The following ZZZ3 variants were observed in gnomAD, a reference collection of about 807,000 sequenced individuals.
ZZZ3 encodes the protein zinc finger ZZ-type containing 3, also known as ZZ-type zinc finger-containing protein 3.
In ZZZ3, 22 loss-of-function variants were observed where a neutral mutation model predicts 95.2. The ratio of observed to expected loss-of-function variants is 0.23; its 90% CI spans 0.17 to 0.33. The LOEUF is 0.33. Among genes scored for constraint, ZZZ3 ranks in the 10% least tolerant of loss-of-function variants. ZZZ3 has a pLI of 1.00. For missense variants in ZZZ3, 885 were observed against 1,066.5 expected, an observed-to-expected ratio of 0.83 and a Z score of 2.37; for synonymous variants, 335 against 358.9, an observed-to-expected ratio of 0.93 and a Z score of 0.75.
At chr1:77,644,348 A>C (rs1165038886) in intron 1 of ZZZ3, among the ~76,000 whole-genome samples, 4 of 152,116 alleles carry the variant, frequency 2.6e-5, no homozygotes, top group Non-Finnish European at 5.9e-5. Context: ...TACAGGCATG[A>C]GCCACCACGC....
chr1:77,645,362 T>C (rs1191121183), intron 1 of ZZZ3: 1 of 152,274 alleles, frequency 6.6e-6, no homozygotes, highest in Non-Finnish European at 1.5e-5. Context: ...CCCAGCTACT[T>C]GGGAGGCTGA....
At chr1:77,655,001 T>C (rs1456805388) in intron 1 of ZZZ3, among the ~76,000 whole-genome samples, 2 of 152,140 alleles carry the variant, frequency 1.3e-5, no homozygotes, top group Non-Finnish European at 2.9e-5. Flanking sequence ...AGTCAAGGAA[T>C]TGTCTCTGGT....
chr1:77,586,739 G>A (rs554118765), intron 5 of ZZZ3, among the ~76,000 whole-genome samples: 38 of 152,234 alleles, frequency 2.5e-4, no homozygotes, highest in Admixed American at 1.0e-3. Flanking sequence ...AAGACTCTAA[G>A]AAAATAGTAA....
chr1:77,662,869 C>A (rs1032036007), intron 1 of ZZZ3, among the ~76,000 whole-genome samples: 9 of 152,102 alleles, frequency 5.9e-5, no homozygotes, highest in Non-Finnish European at 1.2e-4. Flanking sequence ...CTTTGGGAGG[C>A]CAAGGCAGGA....
intron 1 of ZZZ3, among the ~76,000 whole-genome samples, chr1:77,665,578 C>T (rs959976854): frequency 2.0e-5 from 3 of 152,074 alleles, no homozygotes; most frequent in Non-Finnish European, 2.9e-5. Flanking sequence ...ACTGACTTCA[C>T]GCTTATGATT....
intron 1 of ZZZ3, among the ~76,000 whole-genome samples, chr1:77,659,952 C>T (rs1670638971): frequency 6.6e-6 from 1 of 152,074 alleles, no homozygotes; most frequent in South Asian, 2.1e-4. Flanking sequence ...CCTGCTTTAG[C>T]CTCCCAAGTA....
chr1:77,587,029 A>G (rs1391519874), intron 5 of ZZZ3, among the ~76,000 whole-genome samples: 2 of 152,212 alleles, frequency 1.3e-5, no homozygotes, highest in Admixed American at 6.5e-5. Context: ...AAAGCATTAT[A>G]CTAAAAGCAT....
intron 6 of ZZZ3, 42 bp downstream of exon 6, chr1:77,584,475 C>A: frequency 6.4e-7 from 1 of 1,560,128 alleles, no homozygotes; most frequent in Non-Finnish European, 8.6e-7. Flanking sequence ...AAGCTATTCC[C>A]AAATAGATCT....
chr1:77,605,161 T>G (rs1318617329), intron 5 of ZZZ3, among the ~76,000 whole-genome samples: 2 of 152,110 alleles, frequency 1.3e-5, no homozygotes, highest in African/African-American at 4.8e-5. Flanking sequence ...CAGTCTTGAG[T>G]TGCAGATGCC....
intron 1 of ZZZ3, among the ~76,000 whole-genome samples, chr1:77,657,953 T>G (rs1346830811): frequency 6.6e-6 from 1 of 151,350 alleles, no homozygotes; most frequent in African/African-American, 2.4e-5. Flanking sequence ...CCAAGGTGAG[T>G]GGATCACCTG....
At chr1:77,590,668 A>T (rs1264603381) in intron 5 of ZZZ3, among the ~76,000 whole-genome samples, 3 of 152,260 alleles carry the variant, frequency 2.0e-5, no homozygotes, top group Admixed American at 2.0e-4. Context: ...ACAGCTATAA[A>T]GGACATTTTT....
chr1:77,615,075 C>T (rs989035849), intron 5 of ZZZ3: 3 of 152,242 alleles, frequency 2.0e-5, no homozygotes, highest in Admixed American at 6.5e-5. Flanking sequence ...ACTGGTACAA[C>T]TGCTCACTCT....
intron 1 of ZZZ3, among the ~76,000 whole-genome samples, chr1:77,658,898 G>A (rs1030524842): frequency 7.2e-5 from 11 of 152,160 alleles, no homozygotes; most frequent in African/African-American, 1.9e-4. Flanking sequence ...TGGCTTTTAA[G>A]ATAAAGCTTC....
chr1:77,676,941 T>C (rs548843027), intron 1 of ZZZ3: 21 of 152,312 alleles, frequency 1.4e-4, no homozygotes, highest in Non-Finnish European at 2.2e-4. Context: ...CTTAAATTTA[T>C]TTAAATCTAA....
intron 5 of ZZZ3, among the ~76,000 whole-genome samples, chr1:77,610,763 A>C (rs1008477559): frequency 2.0e-5 from 3 of 151,882 alleles, no homozygotes; most frequent in African/African-American, 7.2e-5. Flanking sequence ...ACATCCCTTC[A>C]TGATTAAAAA....
intron 4 of ZZZ3, among the ~76,000 whole-genome samples, chr1:77,639,227 A>T (rs1366233827): frequency 6.6e-6 from 1 of 151,888 alleles, no homozygotes; most frequent in Non-Finnish European, 1.5e-5. Flanking sequence ...TTCCAACATA[A>T]TCAGTCACTT....
At chr1:77,605,212 G>C (rs528832136) in intron 5 of ZZZ3, among the ~76,000 whole-genome samples, 3 of 152,178 alleles carry the variant, frequency 2.0e-5, no homozygotes, top group Non-Finnish European at 4.4e-5. Flanking sequence ...AAGGCACAGA[G>C]AGAAAATCTA....
At chr1:77,611,107 ATT>A (rs1040017425) in intron 5 of ZZZ3, among the ~76,000 whole-genome samples, 2 of 151,792 alleles carry the variant, frequency 1.3e-5, no homozygotes, top group African/African-American at 4.8e-5. Flanking sequence ...GAATAAACAA[ATT>A]TAGTATTAGT....
intron 4 of ZZZ3, among the ~76,000 whole-genome samples, chr1:77,637,051 T>C (rs1373657616): frequency 1.3e-5 from 2 of 152,144 alleles, no homozygotes; most frequent in African/African-American, 2.4e-5. Flanking sequence ...AAATGCAGAA[T>C]ACGAGGCTCC....
Sources: allele counts gnomAD v4.1 joint callset (sites outside exome capture counted in the v4.1 genomes callset), GRCh38; gene constraint gnomAD v4.1.1; transcripts MANE v1.5; gene names NCBI Gene and HGNC (gene_info 2026-07-23, HGNC 2026-07-21).